NFX1: variants seen among roughly 807,000 people sequenced by gnomAD.
NFX1 encodes transcriptional repressor NF-X1.
Under a neutral mutation model 137.2 loss-of-function variants are expected in NFX1, and 69 were observed. The ratio of observed to expected loss-of-function variants is 0.50; its 90% CI spans 0.41 to 0.61. The LOEUF is 0.61. Among genes scored for constraint, NFX1 ranks in the 20% least tolerant of loss-of-function variants. The probability of loss-of-function intolerance (pLI) is 0.00; values close to 1 mark genes in which losing one functional copy is unlikely to be tolerated. For missense variants in NFX1, 1,167 were observed against 1,391.0 expected (o/e 0.84, Z 2.56); for synonymous variants, 495 against 474.1 (o/e 1.04, Z -0.57).
intron 2 of NFX1, among the ~76,000 whole-genome samples, chr9:33,300,752 A>G (rs967331277): frequency 6.6e-6 from 1 of 152,232 alleles, no homozygotes; most frequent in Non-Finnish European, 1.5e-5. Context: ...CACCAAGAAT[A>G]TCTTTGTTAA....
At chr9:33,348,645 C>A (rs751356481) in intron 15 of NFX1, 5 of 520,280 alleles carry the variant, frequency 9.6e-6, no homozygotes, top group African/African-American at 2.1e-5. Flanking sequence ...GATAGACTTG[C>A]TGGAGACAGG....
intron 4 of NFX1, among the ~76,000 whole-genome samples, chr9:33,306,328 G>A (rs550300615): frequency 6.6e-6 from 1 of 152,320 alleles, no homozygotes; most frequent in South Asian, 2.1e-4. Context: ...GAGGGAAGAT[G>A]TGAACTTTGA....
chr9:33,339,232 A>C (rs553549966), intron 12 of NFX1, among the ~76,000 whole-genome samples: 1 of 152,302 alleles, frequency 6.6e-6, no homozygotes, highest in East Asian at 1.9e-4. Flanking sequence ...GGGAAGTTAC[A>C]AAAGAAAGAG....
intron 1 of NFX1, among the ~76,000 whole-genome samples, chr9:33,291,635 G>A (rs563432583): frequency 6.6e-5 from 10 of 152,338 alleles, no homozygotes; most frequent in African/African-American, 2.4e-4. Context: ...CGGGCGTGGT[G>A]GCTCACGCCT....
intron 12 of NFX1, among the ~76,000 whole-genome samples, chr9:33,340,831 A>G (rs1459063828): frequency 3.3e-5 from 5 of 152,200 alleles, no homozygotes; most frequent in Non-Finnish European, 7.3e-5. Context: ...TTGATAAACA[A>G]CAAGAGTCAC....
chr9:33,331,338 A>T (rs569894298), intron 10 of NFX1, among the ~76,000 whole-genome samples: 1 of 152,346 alleles, frequency 6.6e-6, no homozygotes, highest in East Asian at 1.9e-4. Context: ...TTTTCATTTC[A>T]TCACTTTGGT....
intron 9 of NFX1, among the ~76,000 whole-genome samples, chr9:33,325,940 CTG>C (rs1378777266): frequency 6.6e-6 from 1 of 152,052 alleles, no homozygotes; most frequent in East Asian, 1.9e-4. Flanking sequence ...TAAAAAACAA[CTG>C]TATAAAATAA....
intron 2 of NFX1, among the ~76,000 whole-genome samples, chr9:33,297,918 G>A (rs1821416223): frequency 1.3e-5 from 2 of 152,164 alleles, no homozygotes; most frequent in African/African-American, 4.8e-5. Context: ...ATACCAGGGA[G>A]GTGGGAATCT....
intron 9 of NFX1, among the ~76,000 whole-genome samples, chr9:33,325,710 A>G (rs756279086): frequency 6.6e-6 from 1 of 152,152 alleles, no homozygotes; most frequent in Non-Finnish European, 1.5e-5. Context: ...AGAATCTTAC[A>G]TCTCATGAAA....
At chr9:33,331,854 T>G (rs1173647194) in intron 10 of NFX1, among the ~76,000 whole-genome samples, 1 of 152,190 alleles carries the variant, frequency 6.6e-6, no homozygotes, top group Non-Finnish European at 1.5e-5. Context: ...GTGACTGACT[T>G]CCTTCCCACA....
At chr9:33,302,488 A>G (rs1444320690) in intron 3 of NFX1, among the ~76,000 whole-genome samples, 1 of 151,130 alleles carries the variant, frequency 6.6e-6, no homozygotes, top group Non-Finnish European at 1.5e-5. Context: ...CAGACTCCCA[A>G]GCAGCTGAGA....
At chr9:33,348,846 G>T (rs1315234834) in intron 15 of NFX1, 1 of 903,320 alleles carries the variant, frequency 1.1e-6, no homozygotes. Flanking sequence ...TGGTTAAGAT[G>T]ATACTGTTTG....
At chr9:33,357,711 T>C (rs1294658096) in intron 19 of NFX1, among the ~76,000 whole-genome samples, 3 of 151,040 alleles carry the variant, frequency 2.0e-5, no homozygotes, top group South Asian at 2.1e-4. Flanking sequence ...TTTTCTTTTT[T>C]TTTTTTTTTT....
intron 17 of NFX1, 181 bp downstream of exon 17, chr9:33,352,900 C>A: frequency 1.8e-6 from 1 of 555,364 alleles, no homozygotes; most frequent in Non-Finnish European, 3.2e-6. Context: ...AGTATCCTTG[C>A]AACTTTTCTA....
intron 5 of NFX1, among the ~76,000 whole-genome samples, chr9:33,308,995 G>T (rs1236411309): frequency 6.6e-6 from 1 of 152,138 alleles, no homozygotes; most frequent in African/African-American, 2.4e-5. Flanking sequence ...TGCTCGCATA[G>T]GTCCTTCCTT....
In NFX1 at chr9:33,312,319, A is replaced by G. The variant is rs1564111402; in HGVS notation, c.1448+1142A>G. On this transcript the variant is annotated intron_variant, in intron 6 of 23. Transcript: ENST00000379540. The stretch of plus-strand genomic sequence containing the variant: ...TCTCACTGAACCTCATTTTTCTTAT[A>G]AAGTAGAAATAATAGTGTCTACTTC... Among the ~76,000 whole-genome samples the G allele has an allele frequency of 7.2e-5, 11 of 152,192 alleles. No homozygotes were observed. In the South Asian group the frequency reaches 2.1e-3, roughly 29 times the overall value.
At position 33,328,632 on chromosome 9, in the gene NFX1, G is replaced by A. The variant is rs1461873670; in HGVS notation, c.1958G>A (p.Cys653Tyr). The change falls in exon 10 of 24, where the codon TGC becomes TAC. Residue 653 changes from cysteine (C) to tyrosine (Y), a missense_variant. Physicochemically the swap from Cys to Tyr is radical, Grantham distance 194. Around this residue, in one of 3 missense-constraint regions of NFX1, gnomAD observed 488 missense variants for 691.5 expected, o/e 0.71. Transcript: ENST00000379540. ...KLCHEGDCGP[C>Y]SRTSVISCRC... The stretch of plus-strand genomic sequence containing the variant: ...TGCCATGAAGGAGACTGTGGACCAT[G>A]CTCTCGCACATCAGTTATTTCCTGC... The A allele has an allele frequency of 1.2e-6, 2 of 1,612,552 alleles. No individual in the cohort carries two copies. Among genetic ancestry groups the A allele is most frequent in the Non-Finnish European group, 1.7e-6 (2 of 1,178,726 alleles).
At position 33,332,805 on chromosome 9, in the gene NFX1, G is replaced by A. The variant is rs116541890; in HGVS notation, c.2035+303G>A. Reference sequence around the variant, plus strand: ...AAAAATATGTTAATGGTAGAATCTAGATATGGGCATATGGATGTTCACTGT... The same window carrying A: ...AAAAATATGTTAATGGTAGAATCTAAATATGGGCATATGGATGTTCACTGT... On this transcript the variant is annotated intron_variant, in intron 11 of 23. Transcript: ENST00000379540. 1.1e-3 allele frequency: 353 copies of A among 309,608 alleles called. 2 individuals are homozygous for A. Among genetic ancestry groups the A allele is most frequent in the African/African-American group, 7.3e-3 (344 of 47,012 alleles). 19.2% of individuals were successfully genotyped at this position (309,608 alleles called of 1,614,324 possible).
In NFX1 at chr9:33,318,817, A is replaced by C; in HGVS notation, c.1675A>C (p.Lys559Gln). The change falls in exon 8 of 24, where the codon AAG becomes CAG. Residue 559 changes from lysine to glutamine, a missense_variant. Lys to Gln is a moderately conservative substitution (Grantham distance 53). This residue lies in a region of NFX1 where 488 missense variants were observed against 691.5 expected (regional missense o/e 0.71). Coordinates refer to ENST00000379540, the MANE Select transcript of NFX1 (RefSeq NM_002504.6). ...TGGATTTGGGGATTTCAGCTGTTTA[A>C]AGATATGTGGCAAGTAAGGTTTTAC... ...SDGFGDFSCL[K>Q]ICGKDLKCGN... 6.2e-7 allele frequency: 1 copy of C among 1,614,194 alleles called. No homozygotes were observed. The highest frequency in any genetic ancestry group is 8.5e-7 in the Non-Finnish European group (1 of 1,180,022).
Sources: gnomAD v4.1 joint callset for allele counts (sites outside exome capture counted in the v4.1 genomes callset) on GRCh38, gnomAD v4.1.1 for gene constraint, gnomAD v4.1.1 regional missense constraint, MANE v1.5 for transcripts, NCBI Gene and HGNC (gene_info 2026-07-23, HGNC 2026-07-21) for gene names.